Variants in EPHB1 observed in about 807,000 individuals in gnomAD.
EPHB1 encodes the protein EPH receptor B1.
EPHB1 carries 30 observed loss-of-function variants against 94.4 expected under a neutral mutation model. The observed-to-expected ratio is 0.32, with a 90% CI of 0.24 to 0.43. EPHB1 has a LOEUF of 0.43. EPHB1 is among the 20% of genes least tolerant of loss of function. EPHB1 has a pLI of 1.00. For synonymous variants in EPHB1, 522 were observed against 489.1 expected, an observed-to-expected ratio of 1.07 and a Z score of -0.89; for missense variants, 1,055 against 1,308.3, an observed-to-expected ratio of 0.81 and a Z score of 2.99.
intron 9 of EPHB1, among the ~76,000 whole-genome samples, chr3:135,179,234 A>G (rs574408699): frequency 7.6e-4 from 115 of 152,274 alleles, no homozygotes; most frequent in Non-Finnish European, 1.4e-3. Flanking sequence ...TTTCTTTCAT[A>G]CCACCTCATT....
chr3:134,938,520 C>T (rs569179401), intron 2 of EPHB1, among the ~76,000 whole-genome samples: 14 of 152,336 alleles, frequency 9.2e-5, no homozygotes, highest in Admixed American at 8.5e-4. Context: ...AACACCTCAG[C>T]TGCCTGCACT....
chr3:134,983,368 G>C (rs567250591), intron 3 of EPHB1, among the ~76,000 whole-genome samples: 1 of 152,392 alleles, frequency 6.6e-6, no homozygotes, highest in East Asian at 1.9e-4. Flanking sequence ...GCAACTAGTT[G>C]TGAGCACAGT....
chr3:134,856,832 TA>T (rs2037131099), intron 1 of EPHB1, among the ~76,000 whole-genome samples: 1 of 152,232 alleles, frequency 6.6e-6, no homozygotes, highest in African/African-American at 2.4e-5. Flanking sequence ...TTGATGTGAC[TA>T]AAAAATTTTA....
intron 2 of EPHB1, among the ~76,000 whole-genome samples, chr3:134,933,937 C>T (rs1344793144): frequency 6.6e-6 from 1 of 152,150 alleles, no homozygotes; most frequent in Non-Finnish European, 1.5e-5. Context: ...GTACCACTTT[C>T]TCAACCGAGA....
intron 15 of EPHB1, among the ~76,000 whole-genome samples, chr3:135,251,651 C>G (rs1302917833): frequency 6.6e-6 from 1 of 152,174 alleles, no homozygotes; most frequent in Non-Finnish European, 1.5e-5. Context: ...AAAATTCAAG[C>G]ATGCTTCCCT....
rs78118416 is a variant in EPHB1 at position 134,980,094 on chromosome 3, A to G, written c.805+28042A>G. Among the ~76,000 whole-genome samples the G allele has an allele frequency of 3.5e-3, 526 of 152,330 alleles. 3 individuals are homozygous for G. The highest frequency in any genetic ancestry group is 7.1e-3 in the Admixed American group (108 of 15,302). On this transcript the variant is annotated intron_variant, in intron 3 of 15. Coordinates refer to ENST00000398015, the MANE Select transcript of EPHB1 (RefSeq NM_004441.5). The stretch of plus-strand genomic sequence containing the variant: ...GAATGAGTTATTTCTGCTTCATTAT[A>G]TCTGGGGCCTCAGCTGCAAAATTTG...
chr3:135,180,211 T>A (rs553918324), intron 10 of EPHB1, among the ~76,000 whole-genome samples: 1 of 152,340 alleles, frequency 6.6e-6, no homozygotes, highest in African/African-American at 2.4e-5. Flanking sequence ...TTGTCTGTTG[T>A]TGCAGAAAAG....
intron 1 of EPHB1, among the ~76,000 whole-genome samples, chr3:134,819,830 G>A (rs1212377636): frequency 2.0e-5 from 3 of 152,276 alleles, no homozygotes; most frequent in South Asian, 2.1e-4. Context: ...GCCCGGTCTT[G>A]CCTACAGATG....
intron 1 of EPHB1, among the ~76,000 whole-genome samples, chr3:134,847,725 C>T (rs1463956908): frequency 6.6e-6 from 1 of 152,208 alleles, no homozygotes; most frequent in Non-Finnish European, 1.5e-5. Context: ...TTCCACCTGG[C>T]TTCAGTGTTC....
chr3:135,049,805 G>A (rs538920866), intron 3 of EPHB1, among the ~76,000 whole-genome samples: 4 of 152,286 alleles, frequency 2.6e-5, no homozygotes, highest in Admixed American at 6.5e-5. Flanking sequence ...CACAGGTGAC[G>A]AAACCAGGCC....
intron 15 of EPHB1, among the ~76,000 whole-genome samples, chr3:135,253,897 G>A (rs1201174215): frequency 1.3e-5 from 2 of 151,464 alleles, no homozygotes; most frequent in African/African-American, 4.9e-5. Flanking sequence ...CTTGAGCAGT[G>A]GTGTGTAGTT....
At chr3:135,201,760 T>G in intron 12 of EPHB1, 71 bp downstream of exon 12, 1 of 1,443,952 alleles carries the variant, frequency 6.9e-7, no homozygotes, top group Admixed American at 1.8e-5. Flanking sequence ...GGCTGGGAAC[T>G]GTGACAGGGC....
intron 1 of EPHB1, among the ~76,000 whole-genome samples, chr3:134,821,172 CT>C (rs1560248343): frequency 6.6e-6 from 1 of 152,292 alleles, no homozygotes; most frequent in Non-Finnish European, 1.5e-5. Flanking sequence ...GAAGGTCAGC[CT>C]TTTTGTTCTA....
chr3:134,841,559 A>G (rs910020487), intron 1 of EPHB1: 5 of 152,186 alleles, frequency 3.3e-5, no homozygotes, highest in African/African-American at 1.2e-4. Context: ...GGTTTCCTCT[A>G]TTTATTTCAC....
chr3:135,195,600 T>C (rs1189802929), intron 11 of EPHB1, among the ~76,000 whole-genome samples: 107 of 148,812 alleles, frequency 7.2e-4, no homozygotes, highest in African/African-American at 2.7e-3. Flanking sequence ...TTTTTTGTTC[T>C]CCCGATAGTT....
At chr3:134,882,089 A>G (rs1935578216) in intron 1 of EPHB1, among the ~76,000 whole-genome samples, 1 of 152,234 alleles carries the variant, frequency 6.6e-6, no homozygotes, top group African/African-American at 2.4e-5. Context: ...GAAAAAATTG[A>G]TAATTAGAAA....
At chr3:135,134,652 C>A (rs757977334) in intron 5 of EPHB1, among the ~76,000 whole-genome samples, 2 of 152,096 alleles carry the variant, frequency 1.3e-5, no homozygotes, top group South Asian at 4.1e-4. Flanking sequence ...TTTGTCTTAC[C>A]CAAAGAAAGG....
At chr3:134,986,806 C>T (rs527351849) in intron 3 of EPHB1, among the ~76,000 whole-genome samples, 5 of 151,926 alleles carry the variant, frequency 3.3e-5, no homozygotes, top group African/African-American at 1.2e-4. Context: ...AAAGGAAGGT[C>T]AGCTTAACAC....
chr3:135,211,122 C>T (rs969096977), intron 12 of EPHB1, among the ~76,000 whole-genome samples: 7 of 152,204 alleles, frequency 4.6e-5, no homozygotes, highest in South Asian at 2.1e-4. Flanking sequence ...ATAATATATA[C>T]GTCTTAATTT....
Sources: gnomAD v4.1 joint callset for allele counts (sites outside exome capture counted in the v4.1 genomes callset) on GRCh38, gnomAD v4.1.1 for gene constraint, MANE v1.5 for transcripts, NCBI Gene and HGNC (gene_info 2026-07-23, HGNC 2026-07-21) for gene names.